Variants in MAML3 observed in about 807,000 individuals in gnomAD.
MAML3 encodes mastermind like transcriptional coactivator 3, also known as mastermind-like protein 3.
A neutral mutation model predicts 101.9 loss-of-function variants in MAML3; 27 were observed. The ratio of observed to expected loss-of-function variants is 0.27; its 90% CI spans 0.20 to 0.37. The LOEUF (loss-of-function observed/expected upper bound fraction) is 0.37, where lower values mean the gene tolerates loss of function less well. Ranked by LOEUF, MAML3 falls within the 10% of genes least tolerant of loss-of-function variation. The probability of loss-of-function intolerance (pLI) is 1.00; values close to 1 mark genes in which losing one functional copy is unlikely to be tolerated. For missense variants in MAML3, 1,316 were observed against 1,444.9 expected (o/e 0.91, Z 1.45); for synonymous variants, 501 against 555.9 (o/e 0.90, Z 1.39).
chr4:140,042,120 A>G (rs1727094968), intron 1 of MAML3, among the ~76,000 whole-genome samples: 1 of 152,236 alleles, frequency 6.6e-6, no homozygotes, highest in African/African-American at 2.4e-5. Flanking sequence ...GAAATGGCAG[A>G]GCTGGGATTC....
intron 1 of MAML3, among the ~76,000 whole-genome samples, chr4:139,895,178 G>A (rs565049034): frequency 2.6e-4 from 40 of 152,324 alleles, no homozygotes; most frequent in African/African-American, 9.1e-4. Flanking sequence ...GCAGTACAGT[G>A]AGAATTAGAG....
At chr4:140,132,535 T>A (rs1023378043) in intron 1 of MAML3, among the ~76,000 whole-genome samples, 1 of 152,204 alleles carries the variant, frequency 6.6e-6, no homozygotes, top group Non-Finnish European at 1.5e-5. Flanking sequence ...TGAGACTAGA[T>A]AATGATATAC....
intron 1 of MAML3, among the ~76,000 whole-genome samples, chr4:139,965,199 A>G (rs544062280): frequency 2.4e-5 from 3 of 127,586 alleles, no homozygotes; most frequent in Admixed American, 7.3e-5. Context: ...ACTCCCTGCT[A>G]GTTTTTTTTT....
chr4:140,078,013 T>C (rs981298823), intron 1 of MAML3, among the ~76,000 whole-genome samples: 1 of 88,074 alleles, frequency 1.1e-5, no homozygotes, highest in African/African-American at 3.8e-5. Flanking sequence ...CAAGACTCCG[T>C]CTCAAATAAA....
chr4:139,904,780 A>G (rs537320655), intron 1 of MAML3, among the ~76,000 whole-genome samples: 1 of 152,240 alleles, frequency 6.6e-6, no homozygotes, highest in African/African-American at 2.4e-5. Context: ...CAAGCCTAAT[A>G]TCCTATTACA....
At position 139,988,273 on chromosome 4, in the gene MAML3, G is replaced by A. The variant is rs569560726; in HGVS notation, c.469-97306C>T. The stretch of plus-strand genomic sequence containing the variant: ...TCCTGGGAGGCAGGGGCTGCAGTGA[G>A]CCAGGATCGCGCCACTGCACTCCAG... On this transcript the variant is annotated intron_variant, in intron 1 of 4. Coordinates refer to ENST00000509479, the MANE Select transcript of MAML3 (RefSeq NM_018717.5). 3.5e-5 allele frequency among the ~76,000 whole-genome samples: 5 copies of A among 142,578 alleles called. No homozygotes were observed. In the South Asian group the frequency reaches 8.8e-4, roughly 25 times the overall value. 93.5% of individuals were successfully genotyped at this position (142,578 alleles called of 152,430 possible). A position where few individuals can be genotyped will look rare whatever the true frequency, so the allele number is the denominator to read the frequency against.
At chr4:139,933,893 C>T (rs561019610) in intron 1 of MAML3, among the ~76,000 whole-genome samples, 18 of 151,992 alleles carry the variant, frequency 1.2e-4, no homozygotes, top group East Asian at 5.8e-4. Context: ...TGTGTGTGAA[C>T]GAGTGTGTGT....
At chr4:139,799,761 C>T (rs902273162) in intron 2 of MAML3, among the ~76,000 whole-genome samples, 1 of 152,150 alleles carries the variant, frequency 6.6e-6, no homozygotes, top group Admixed American at 6.5e-5. Flanking sequence ...TTGAATCAAC[C>T]AATTCCCTCT....
chr4:139,750,829 C>G (rs1729477202), intron 2 of MAML3, among the ~76,000 whole-genome samples: 1 of 152,194 alleles, frequency 6.6e-6, no homozygotes, highest in African/African-American at 2.4e-5. Flanking sequence ...CTCCCACTCC[C>G]TACCCCCTTT....
intron 1 of MAML3, among the ~76,000 whole-genome samples, chr4:140,003,456 C>CA (rs1467177987): frequency 6.6e-6 from 1 of 152,062 alleles, no homozygotes; most frequent in Admixed American, 6.5e-5. Flanking sequence ...GCAGGAAAGA[C>CA]AAGCAGACAT....
At chr4:140,116,695 G>A (rs1310814919) in intron 1 of MAML3, among the ~76,000 whole-genome samples, 1 of 152,168 alleles carries the variant, frequency 6.6e-6, no homozygotes. Context: ...TACAGGGCAG[G>A]AAGTGAATCA....
intron 1 of MAML3, among the ~76,000 whole-genome samples, chr4:140,127,775 CT>C (rs1227700543): frequency 6.6e-6 from 1 of 152,184 alleles, no homozygotes; most frequent in Non-Finnish European, 1.5e-5. Flanking sequence ...ACTGTTACCC[CT>C]GCTTTACAGG....
chr4:140,009,767 T>C (rs920097839), intron 1 of MAML3, among the ~76,000 whole-genome samples: 5 of 152,194 alleles, frequency 3.3e-5, no homozygotes, highest in African/African-American at 1.2e-4. Context: ...TCCCTGTCCT[T>C]AAGGAGCTGA....
At chr4:140,109,620 C>T (rs1728408033) in intron 1 of MAML3, among the ~76,000 whole-genome samples, 1 of 152,178 alleles carries the variant, frequency 6.6e-6, no homozygotes, top group Non-Finnish European at 1.5e-5. Context: ...AAAAGTAACT[C>T]CTACTTCTTC....
intron 2 of MAML3, among the ~76,000 whole-genome samples, chr4:139,759,793 G>A (rs1578587328): frequency 6.6e-6 from 1 of 152,180 alleles, no homozygotes; most frequent in African/African-American, 2.4e-5. Flanking sequence ...AATAAATAAT[G>A]GAATACTGGA....
At chr4:139,903,535 G>C (rs1210420757) in intron 1 of MAML3, among the ~76,000 whole-genome samples, 1 of 152,182 alleles carries the variant, frequency 6.6e-6, no homozygotes, top group Admixed American at 6.5e-5. Context: ...CATGACTAAT[G>C]ATCAGAGACT....
rs185370283 is a variant in MAML3, at chr4:140,112,811, T to C, written c.468+40049A>G. ...GTCGGGAAAATTGCATCTGGTTCCA[T>C]TTTACATATATAATTGCATAGTAAT... On this transcript the variant is annotated intron_variant, in intron 1 of 4. Coordinates refer to ENST00000509479, the MANE Select transcript of MAML3 (RefSeq NM_018717.5). 2.6e-5 allele frequency among the ~76,000 whole-genome samples: 4 copies of C among 152,324 alleles called. No individual in the cohort carries two copies. In the East Asian group the frequency reaches 5.8e-4, roughly 22 times the overall value.
At chr4:139,764,101 C>A (rs1271287681) in intron 2 of MAML3, among the ~76,000 whole-genome samples, 1 of 152,136 alleles carries the variant, frequency 6.6e-6, no homozygotes, top group African/African-American at 2.4e-5. Context: ...TTAAGCTGAG[C>A]AAACTGAAGT....
chr4:140,117,259 A>C (rs538444029), intron 1 of MAML3, among the ~76,000 whole-genome samples: 100 of 152,284 alleles, frequency 6.6e-4, no homozygotes, highest in African/African-American at 2.2e-3. Flanking sequence ...TATTGATCCA[A>C]ATATCTCCCT....
Sources: gnomAD v4.1 joint callset for allele counts (sites outside exome capture counted in the v4.1 genomes callset) on GRCh38, gnomAD v4.1.1 for gene constraint, MANE v1.5 for transcripts, NCBI Gene and HGNC (gene_info 2026-07-23, HGNC 2026-07-21) for gene names.